The following SMARCA4 variants were observed in gnomAD, a reference collection of about 807,000 sequenced individuals.
SMARCA4 encodes SWI/SNF-related matrix-associated actin-dependent regulator of chromatin subfamily A member 4.
SMARCA4 carries 31 observed loss-of-function variants against 193.9 expected under a neutral mutation model. That is an observed-to-expected ratio of 0.16 (90% CI 0.12 to 0.22). The LOEUF (loss-of-function observed/expected upper bound fraction) is 0.22. Among genes scored for constraint, SMARCA4 ranks in the 10% least tolerant of loss-of-function variants. SMARCA4 has a pLI of 1.00. For synonymous variants in SMARCA4, 942 were observed against 933.1 expected, an observed-to-expected ratio of 1.01 and a Z score of -0.17; for missense variants, 1,148 against 2,296.0, an observed-to-expected ratio of 0.50 and a Z score of 10.22.
intron 9 of SMARCA4, chr19:10,995,563 CAG>C: frequency 2.2e-6 from 1 of 452,796 alleles, no homozygotes; most frequent in Non-Finnish European, 4.4e-6. Flanking sequence ...AGCCTTGAAA[CAG>C]AGGCCCAAAG....
intron 14 of SMARCA4, among the ~76,000 whole-genome samples, 172 bp from the exon 15 acceptor site, chr19:11,010,209 C>T (rs377719296): frequency 3.9e-5 from 6 of 152,296 alleles, no homozygotes; most frequent in South Asian, 2.1e-4. Flanking sequence ...AGGCTTAGTG[C>T]GGGCTGCCCT....
At chr19:11,020,061 C>T (rs2089722868) in intron 18 of SMARCA4, among the ~76,000 whole-genome samples, 1 of 152,112 alleles carries the variant, frequency 6.6e-6, no homozygotes, top group Non-Finnish European at 1.5e-5. Context: ...TGTCTCATTG[C>T]CTTGGCCGTC....
intron 1 of SMARCA4, among the ~76,000 whole-genome samples, chr19:10,971,360 A>T (rs948530827): frequency 6.6e-6 from 1 of 152,146 alleles, no homozygotes; most frequent in Admixed American, 6.6e-5. Context: ...GTCACTACAG[A>T]TCTCTGCTCA....
chr19:10,967,822 T>G (rs1403230513), intron 1 of SMARCA4, among the ~76,000 whole-genome samples: 1 of 150,906 alleles, frequency 6.6e-6, no homozygotes, highest in Middle Eastern at 3.5e-3. Flanking sequence ...GTAGCTGGGA[T>G]TACAGGCGTG....
At chr19:10,967,802 A>G (rs1299755952) in intron 1 of SMARCA4, among the ~76,000 whole-genome samples, 2 of 149,806 alleles carry the variant, frequency 1.3e-5, no homozygotes, top group Non-Finnish European at 3.0e-5. Flanking sequence ...CTCCTACCTC[A>G]GCCTCCTGAG....
chr19:11,060,472 G>T, intron 34 of SMARCA4: 1 of 535,468 alleles, frequency 1.9e-6, no homozygotes, highest in Non-Finnish European at 3.4e-6. Context: ...CGGTCCCAGG[G>T]CACCAGGGCT....
At chr19:11,052,433 A>G (rs925710906) in intron 30 of SMARCA4, among the ~76,000 whole-genome samples, 2 of 152,058 alleles carry the variant, frequency 1.3e-5, no homozygotes, top group African/African-American at 4.8e-5. Context: ...AGAGGCTGGC[A>G]TGTGGGGCTC....
chr19:11,024,496 G>A, intron 21 of SMARCA4, 58 bp downstream of exon 21: 1 of 1,113,966 alleles, frequency 9.0e-7, no homozygotes, highest in South Asian at 1.2e-5. Context: ...CCGGCAGCGT[G>A]GCAGGCAGAG....
chr19:10,973,331 A>G (rs530880835), intron 1 of SMARCA4, among the ~76,000 whole-genome samples: 1 of 152,186 alleles, frequency 6.6e-6, no homozygotes. Flanking sequence ...CTGTGGGGTT[A>G]GAGGACACTC....
chr19:11,010,316 G>A (rs2146229292), intron 14 of SMARCA4, 65 bp from the exon 15 acceptor site: 1 of 1,567,636 alleles, frequency 6.4e-7, no homozygotes, highest in Non-Finnish European at 8.8e-7. Flanking sequence ...GCTTGTGTCA[G>A]GAGCCAGCAC....
chr19:11,021,576 C>T (rs370877743), intron 18 of SMARCA4, 149 bp from the exon 19 acceptor site: 84 of 995,532 alleles, frequency 8.4e-5, no homozygotes, highest in South Asian at 5.2e-4. Flanking sequence ...GAGTCAGCCC[C>T]GGGGCAGGAC....
At chr19:11,057,450 G>A (rs1262959083) in intron 30 of SMARCA4, among the ~76,000 whole-genome samples, 2 of 152,208 alleles carry the variant, frequency 1.3e-5, no homozygotes, top group East Asian at 3.8e-4. Flanking sequence ...TGCATCCCAG[G>A]CCGGCTGCAG....
intron 1 of SMARCA4, among the ~76,000 whole-genome samples, chr19:10,979,522 A>G (rs2085397199): frequency 6.7e-6 from 1 of 149,424 alleles, no homozygotes; most frequent in South Asian, 2.1e-4. Flanking sequence ...CCTCCTGAGT[A>G]TAAGCTAATT....
intron 1 of SMARCA4, among the ~76,000 whole-genome samples, chr19:10,965,974 T>G (rs986911150): frequency 6.2e-4 from 83 of 133,692 alleles, no homozygotes; most frequent in African/African-American, 1.7e-3. Context: ...GGCATGGTTT[T>G]TTTTTTTTTT....
rs1043517699 is a variant in SMARCA4, at chr19:10,996,367, A to G, written c.1748A>G (p.Lys583Arg). 2.5e-6 allele frequency: 4 copies of G among 1,614,220 alleles called. No individual in the cohort carries two copies. The highest frequency in any genetic ancestry group is 3.4e-6 in the Non-Finnish European group (4 of 1,180,022). ...AAQVAKEKKK[K>R]KKKKKAENAE... ...CAGGTCGCCAAGGAGAAAAAGAAGA[A>G]AAAGAAAAAGAAGGTGTGCTGGGCC... Residue 583 changes from lysine (K) to arginine (R), a missense_variant, in exon 10 of 35, where the codon AAA becomes AGA. Around this residue, in one of 17 missense-constraint regions of SMARCA4, gnomAD observed 115 missense variants for 175.1 expected, o/e 0.66. Transcript: ENST00000344626.
chr19:11,051,714 C>T (rs1008900101), intron 30 of SMARCA4, among the ~76,000 whole-genome samples: 3 of 152,058 alleles, frequency 2.0e-5, no homozygotes, highest in South Asian at 4.1e-4. Context: ...TGGTCTCGAT[C>T]TCTTGACCTC....
At chr19:10,969,580 A>G (rs1363300420) in intron 1 of SMARCA4, among the ~76,000 whole-genome samples, 3 of 150,860 alleles carry the variant, frequency 2.0e-5, no homozygotes, top group Non-Finnish European at 3.0e-5. Context: ...ACAGGCATGC[A>G]CCACCACACC....
intron 30 of SMARCA4, among the ~76,000 whole-genome samples, chr19:11,057,706 C>T (rs967181555): frequency 1.3e-5 from 2 of 149,420 alleles, no homozygotes; most frequent in Non-Finnish European, 3.0e-5. Context: ...TCCAGTCTGG[C>T]GACAGAACAA....
Position 11,041,404 on chromosome 19 carries a change from C to T in SMARCA4, c.4268C>T (p.Thr1423Ile), listed in dbSNP as rs1238111256. ...CGAGACAGCGACGCCGGCTCCTCCACCCCGACCACCAGCACCCGCAGCCGC... is the reference window on the plus strand; with the variant it reads ...CGAGACAGCGACGCCGGCTCCTCCATCCCGACCACCAGCACCCGCAGCCGC... ...RKRDSDAGSS[T>I]PTTSTRSRDK... The change falls in exon 30 of 35, where the codon ACC (threonine) becomes ATC (isoleucine). Residue 1423 changes from threonine to isoleucine, a missense_variant. By Grantham distance (89) the Thr-to-Ile change is moderately conservative. Coordinates refer to ENST00000344626, the MANE Select transcript of SMARCA4 (RefSeq NM_003072.5). The surrounding 1 kb of genome is among the most constrained non-coding windows in gnomAD (Gnocchi z 5.6). 6.2e-7 allele frequency: 1 copy of T among 1,612,402 alleles called. No homozygotes were observed.
Sources: allele counts gnomAD v4.1 joint callset (sites outside exome capture counted in the v4.1 genomes callset), GRCh38; gene constraint gnomAD v4.1.1; regional missense constraint gnomAD v4.1.1; non-coding constraint Gnocchi (gnomAD v3.1); transcripts MANE v1.5; gene names NCBI Gene and HGNC (gene_info 2026-07-23, HGNC 2026-07-21).